Variants in PEX10 observed in about 807,000 individuals in gnomAD.
PEX10 encodes peroxisome biogenesis factor 10.
PEX10 carries 32 observed loss-of-function variants against 38.0 expected under a neutral mutation model. That is an observed-to-expected ratio of 0.84 (90% CI 0.63 to 1.13). The LOEUF (loss-of-function observed/expected upper bound fraction) is 1.13, where lower values mean the gene tolerates loss of function less well. PEX10 is among the 50% of genes most tolerant of loss of function. The pLI, the probability that PEX10 is intolerant of heterozygous loss-of-function variation, is 0.00. For missense variants in PEX10, 483 were observed against 457.7 expected, an observed-to-expected ratio of 1.06 and a Z score of -0.51; for synonymous variants, 206 against 207.3, an observed-to-expected ratio of 0.99 and a Z score of 0.05.
Position 2,412,449 on chromosome 1 carries a change from G to A in PEX10, c.54C>T (p.Asp18=), listed in dbSNP as rs1570123615. Reference sequence around the variant, plus strand: ...TCCGCAGCCCACCGCGGTAGTACTCGTCCTTCTGCGCCGCGCGGATCACCT... The same window carrying A: ...TCCGCAGCCCACCGCGGTAGTACTCATCCTTCTGCGCCGCGCGGATCACCT... ...PPEVIRAAQK[D]EYYRGGLRSA... The change falls in exon 1 of 6, where the codon GAC becomes GAT. Residue 18 remains aspartate (D), a synonymous_variant. Transcript: ENST00000447513. 4 of 1,428,638 alleles carry A rather than the reference G, an allele frequency of 2.8e-6. No individual in the cohort carries two copies. Among genetic ancestry groups the A allele is most frequent in the Non-Finnish European group, 3.7e-6 (4 of 1,095,036 alleles). The allele number at this position is 1,428,638 out of a possible 1,614,324, so 88.5% of individuals were successfully genotyped here.
Position 2,410,164 on chromosome 1 carries a change from G to A in PEX10, c.193+207C>T. 1 of 595,186 alleles carries A rather than the reference G, an allele frequency of 1.7e-6. No homozygotes were observed. The highest frequency in any genetic ancestry group is 3.0e-6 in the Non-Finnish European group (1 of 328,372). 36.9% of individuals were successfully genotyped at this position (595,186 alleles called of 1,614,324 possible). On this transcript the variant is annotated intron_variant, in intron 2 of 5. Coordinates refer to ENST00000447513, the MANE Select transcript of PEX10 (RefSeq NM_002617.4). This position sits in a 1 kb window ranked among gnomAD's most constrained non-coding sequence, Gnocchi z 5.1. The stretch of plus-strand genomic sequence containing the variant: ...TAAAGTCTTAAACAAAGAACCCCAG[G>A]GACACACAAAGGCTGGAAAAGTCGG...
At chr1:2,408,408 C>T in intron 3 of PEX10, 44 bp downstream of exon 3, 2 of 1,609,002 alleles carry the variant, frequency 1.2e-6, no homozygotes, top group Non-Finnish European at 1.7e-6. Context: ...GTGGGGGTGA[C>T]AAGGACGGCC....
At chr1:2,412,596 C>A (rs1046492921), upstream of PEX10, 107 of 971,884 alleles carry the variant, frequency 1.1e-4, no homozygotes, top group Non-Finnish European at 7.7e-5. Context: ...GCTCTGCGTG[C>A]GGCGCAGACC....
In PEX10 at chr1:2,411,062, G is replaced by A. The variant is rs181424630; in HGVS notation, c.113-611C>T. ...CATGGGCCTCCCGGCACGGAGCCTG[G>A]CTGTCCTCTGATATTTACCCATGCT... On this transcript the variant is annotated intron_variant, in intron 1 of 5. Transcript: ENST00000447513. 6.6e-5 allele frequency among the ~76,000 whole-genome samples: 10 copies of A among 152,038 alleles called. No homozygotes were observed. In the East Asian group the frequency reaches 1.9e-3, roughly 29 times the overall value.
At position 2,405,433 on chromosome 1, in the gene PEX10, C is replaced by T; in HGVS notation, c.*333G>A. Reference sequence around the variant, plus strand: ...TATAAACGAATAAAGTGTCTTCTGGCCTACTTCTGAATTACTTCTCAACTG... The same window carrying T: ...TATAAACGAATAAAGTGTCTTCTGGTCTACTTCTGAATTACTTCTCAACTG... On this transcript the variant is annotated 3_prime_UTR_variant, in exon 6 of 6. Coordinates refer to ENST00000447513, the MANE Select transcript of PEX10 (RefSeq NM_002617.4). 2 of 468,274 alleles carry T rather than the reference C, an allele frequency of 4.3e-6. No individual in the cohort carries two copies. Among genetic ancestry groups the T allele is most frequent in the Non-Finnish European group, 7.9e-6 (2 of 252,738 alleles). 29.0% of individuals were successfully genotyped at this position (468,274 alleles called of 1,614,324 possible). A position where few individuals can be genotyped will look rare whatever the true frequency, so the allele number is the denominator to read the frequency against.
Position 2,408,564 on chromosome 1 carries a change from G to A in PEX10, c.488C>T (p.Ala163Val), listed in dbSNP as rs750507518. 9 of 1,612,040 alleles carry A rather than the reference G, an allele frequency of 5.6e-6. No individual in the cohort carries two copies. Among genetic ancestry groups the A allele is most frequent in the East Asian group, 4.5e-5 (2 of 44,898 alleles). ...GAGGCCCTGTCTGAGGACGAAGACC[G>A]CCCGCAGCAGCGCCCTCCTCTGCTG... ...TEQQRRALLRAVFVLRQGLAC... is the reference protein window; with the variant it reads ...TEQQRRALLRVVFVLRQGLAC... The change falls in exon 3 of 6, where the codon GCG becomes GTG. Residue 163 changes from alanine (A) to valine (V), a missense_variant. By Grantham distance (64) the Ala-to-Val change is moderately conservative (BLOSUM62 0). Transcript: ENST00000447513.
intron 3 of PEX10, 24 bp from the exon 4 acceptor site, chr1:2,406,919 T>C: frequency 1.2e-6 from 2 of 1,603,424 alleles, no homozygotes; most frequent in Non-Finnish European, 1.7e-6. Flanking sequence ...GGCGCCACAC[T>C]CATCAGGACC....
chr1:2,412,446 C>T lies in PEX10; in HGVS notation c.57G>A (p.Glu19=), dbSNP rs912609098. Residue 19 remains glutamate (E), a synonymous_variant, in exon 1 of 6, where the codon GAG becomes GAA. Coordinates refer to ENST00000447513, the MANE Select transcript of PEX10 (RefSeq NM_002617.4). ...CGCTCCGCAGCCCACCGCGGTAGTA[C>T]TCGTCCTTCTGCGCCGCGCGGATCA... ...PEVIRAAQKD[E]YYRGGLRSAA... is the part of the protein sequence containing the mutation. 1 of 1,429,666 alleles carries T rather than the reference C, an allele frequency of 7.0e-7. No homozygotes were observed. Among genetic ancestry groups the T allele is most frequent in the Non-Finnish European group, 9.1e-7 (1 of 1,095,616 alleles). The allele number at this position is 1,429,666 out of a possible 1,614,324, so 88.6% of individuals were successfully genotyped here. A position where few individuals can be genotyped will look rare whatever the true frequency, so the allele number is the denominator to read the frequency against.
Position 2,412,414 on chromosome 1 carries a change from C to T in PEX10, c.89G>A (p.Gly30Asp). 1 of 1,411,186 alleles carries T rather than the reference C, an allele frequency of 7.1e-7. No individual in the cohort carries two copies. 87.4% of individuals were successfully genotyped at this position (1,411,186 alleles called of 1,614,324 possible). A position where few individuals can be genotyped will look rare whatever the true frequency, so the allele number is the denominator to read the frequency against. The change falls in exon 1 of 6, where the codon GGC (glycine) becomes GAC (aspartate). Residue 30 changes from glycine (G) to aspartate (D), a missense_variant. Transcript: ENST00000447513. Reference protein sequence around the residue: ...YYRGGLRSAAGGALHSLAGAR... With the variant: ...YYRGGLRSAADGALHSLAGAR... The stretch of plus-strand genomic sequence containing the variant: ...ACCCGCCAGGCTGTGCAGGGCGCCG[C>T]CCGCCGCGCTCCGCAGCCCACCGCG...
intron 3 of PEX10, 126 bp from the exon 4 acceptor site, chr1:2,407,021 A>T: frequency 7.6e-7 from 1 of 1,324,074 alleles, no homozygotes; most frequent in African/African-American, 1.5e-5. Flanking sequence ...TGGCATGGGG[A>T]GTGCCCGGCA....
At chr1:2,411,470 T>G (rs1466741840) in intron 1 of PEX10, among the ~76,000 whole-genome samples, 1 of 151,552 alleles carries the variant, frequency 6.6e-6, no homozygotes, top group African/African-American at 2.4e-5. Flanking sequence ...TGACCTCAAG[T>G]GATCCACCCG....
Position 2,406,815 on chromosome 1 carries a change from G to T in PEX10, c.681C>A (p.His227Gln), listed in dbSNP as rs1396518199. 1 of 1,610,856 alleles carries T rather than the reference G, an allele frequency of 6.2e-7. No individual in the cohort carries two copies. Among genetic ancestry groups the T allele is most frequent in the East Asian group, 2.2e-5 (1 of 44,828 alleles). ...GCTGCAGCCCCATGGACAGCACCAG[G>T]TGCAGCAGTGAGATGACCCCCAGCA... ...YRLLGVISLL[H>Q]LVLSMGLQLY... Residue 227 changes from histidine to glutamine, a missense_variant, in exon 4 of 6, where the codon CAC becomes CAA. By Grantham distance (24) the His-to-Gln change is conservative. Coordinates refer to ENST00000447513, the MANE Select transcript of PEX10 (RefSeq NM_002617.4).
At chr1:2,406,432 T>C in intron 5 of PEX10, 52 bp downstream of exon 5, 1 of 1,603,096 alleles carries the variant, frequency 6.2e-7, no homozygotes. Flanking sequence ...CAGGTGCATC[T>C]TGCCGGCACA....
intron 1 of PEX10, among the ~76,000 whole-genome samples, chr1:2,411,727 G>A (rs113396547): frequency 6.6e-6 from 1 of 152,008 alleles, no homozygotes; most frequent in Admixed American, 6.6e-5. Flanking sequence ...TTGTAGAGAC[G>A]GGGTCTTGCC....
intron 3 of PEX10, 81 bp from the exon 4 acceptor site, chr1:2,406,976 G>T: frequency 1.3e-6 from 2 of 1,545,332 alleles, no homozygotes; most frequent in African/African-American, 1.4e-5. Flanking sequence ...CACACGTTCA[G>T]TTGGCACAGA....
chr1:2,407,039 T>C (rs1643034736), intron 3 of PEX10, 144 bp from the exon 4 acceptor site: 1 of 1,185,602 alleles, frequency 8.4e-7, no homozygotes, highest in Admixed American at 2.0e-5. Context: ...GCAGAAACGA[T>C]CAAGCCAGGG....
rs539432060 is a variant in PEX10, at chr1:2,408,920, C to T, written c.194-62G>A. 54 of 1,550,874 alleles carry T rather than the reference C, an allele frequency of 3.5e-5. No homozygotes were observed. The East Asian group carries it at 6.4e-4, about 18-fold the overall frequency. On this transcript the variant is annotated intron_variant, in intron 2 of 5. Transcript: ENST00000447513. ...TGCTGCCGCGGGGACAGGCTCCCGGCGCCCCTGCCAGCCGACCCTCTGCTG... is the reference window on the plus strand; with the variant it reads ...TGCTGCCGCGGGGACAGGCTCCCGGTGCCCCTGCCAGCCGACCCTCTGCTG...
intron 5 of PEX10, among the ~76,000 whole-genome samples, chr1:2,406,231 C>T (rs1311946310): frequency 6.6e-6 from 1 of 152,150 alleles, no homozygotes; most frequent in Non-Finnish European, 1.5e-5. Context: ...GTGGTGCAAG[C>T]GTGGGGCCTT....
chr1:2,410,993 C>T lies in PEX10; in HGVS notation c.113-542G>A. ...CACACACAAAAAATTCTCATCATGT[C>T]ACTCTCCTGTTCAGAATCCACCAAT... On this transcript the variant is annotated intron_variant, in intron 1 of 5. Transcript: ENST00000447513. This position sits in a 1 kb window ranked among gnomAD's most constrained non-coding sequence, Gnocchi z 5.1. 2.4e-6 allele frequency: 1 copy of T among 411,088 alleles called. No individual in the cohort carries two copies. The highest frequency in any genetic ancestry group is 1.8e-5 in the South Asian group (1 of 56,690). The allele number at this position is 411,088 out of a possible 1,614,324, so 25.5% of individuals were successfully genotyped here. A position where few individuals can be genotyped will look rare whatever the true frequency, so the allele number is the denominator to read the frequency against.
Sources: gnomAD v4.1 joint callset for allele counts (sites outside exome capture counted in the v4.1 genomes callset) on GRCh38, gnomAD v4.1.1 for gene constraint, Gnocchi (gnomAD v3.1) non-coding constraint, MANE v1.5 for transcripts, NCBI Gene and HGNC (gene_info 2026-07-23, HGNC 2026-07-21) for gene names.